The following SLC26A4 variants were observed in gnomAD, a reference collection of about 807,000 sequenced individuals.
SLC26A4 encodes the protein pendrin.
A neutral mutation model predicts 90.4 loss-of-function variants in SLC26A4; 93 were observed. The observed-to-expected ratio is 1.03, with a 90% CI of 0.87 to 1.22. The LOEUF (loss-of-function observed/expected upper bound fraction) is 1.22. Among genes scored for constraint, SLC26A4 ranks in the 50% most tolerant of loss-of-function variants. The pLI is 0.00. For missense variants in SLC26A4, 1,127 were observed against 946.2 expected, an observed-to-expected ratio of 1.19 and a Z score of -2.51; for synonymous variants, 393 against 354.6, an observed-to-expected ratio of 1.11 and a Z score of -1.22.
intron 17 of SLC26A4, among the ~76,000 whole-genome samples, chr7:107,702,684 C>CAAA (rs11462799): frequency 2.3e-4 from 23 of 99,156 alleles, no homozygotes; most frequent in East Asian, 5.2e-4. Context: ...GACTTCATCT[C>CAAA]AAAAAAAAAA....
chr7:107,705,632 TC>T (rs774190028), intron 18 of SLC26A4, among the ~76,000 whole-genome samples: 60 of 119,334 alleles, frequency 5.0e-4, no homozygotes, highest in Non-Finnish European at 8.5e-4. Flanking sequence ...AATCTAGCAT[TC>T]CATGACTGGT....
intron 17 of SLC26A4, among the ~76,000 whole-genome samples, chr7:107,703,381 G>T (rs1005664936): frequency 6.6e-6 from 1 of 152,222 alleles, no homozygotes; most frequent in Non-Finnish European, 1.5e-5. Context: ...GGGAGGAAAT[G>T]ATTCCAGGAT....
At chr7:107,680,246 AATCTTATTATATAATCTT>A (rs1292498839) in intron 6 of SLC26A4, among the ~76,000 whole-genome samples, 1 of 128,770 alleles carries the variant, frequency 7.8e-6, no homozygotes, top group East Asian at 2.2e-4. Context: ...TATATAATAT[AATCTTATTATATAATCTT>A]ATCTTATTAT....
intron 3 of SLC26A4, among the ~76,000 whole-genome samples, chr7:107,671,802 C>T (rs1790874444): frequency 6.6e-6 from 1 of 152,188 alleles, no homozygotes; most frequent in Admixed American, 6.5e-5. Flanking sequence ...GTCAAAAATG[C>T]ACTTAATACA....
At chr7:107,713,634 T>A (rs1792256627) in intron 20 of SLC26A4, among the ~76,000 whole-genome samples, 1 of 152,200 alleles carries the variant, frequency 6.6e-6, no homozygotes, top group Admixed American at 6.5e-5. Context: ...GCATGGAGAT[T>A]ATTCAACCAT....
rs764382402 is a variant in SLC26A4 at position 107,715,482 on chromosome 7, C to T, written c.*36C>T. The T allele has an allele frequency of 5.1e-5, 78 of 1,532,144 alleles. No individual in the cohort carries two copies. In the Admixed American group the frequency reaches 1.3e-3, roughly 25 times the overall value. The allele number at this position is 1,532,144 out of a possible 1,614,324, so 94.9% of individuals were successfully genotyped here. ...GGGAGGTCTCTATGAGCAAGGAATA[C>T]AAGACAAAACTTCCTCAATGCATTG... On this transcript the variant is annotated 3_prime_UTR_variant, in exon 21 of 21. Coordinates refer to ENST00000644269, the MANE Select transcript of SLC26A4 (RefSeq NM_000441.2).
Position 107,690,126 on chromosome 7 carries a change from AT to A in SLC26A4, c.1154del (p.Phe385SerfsTer47). 6.3e-7 allele frequency: 1 copy of A among 1,584,856 alleles called. No homozygotes were observed. ...TTGTCATCCAGTCTCTTCCTTAGGAATTCATTGCCTTTGGGATCAGCAACAT... is the reference window on the plus strand; with the variant it reads ...TTGTCATCCAGTCTCTTCCTTAGGAATCATTGCCTTTGGGATCAGCAACAT... ...YDYTIDGNQE[F>X]IAFGISNIFS... On this transcript the variant is annotated frameshift_variant, in exon 10 of 21. Transcript: ENST00000644269. LOFTEE classifies it high-confidence loss of function.
chr7:107,671,320 G>A (rs1790861200), intron 3 of SLC26A4, among the ~76,000 whole-genome samples: 2 of 152,082 alleles, frequency 1.3e-5, no homozygotes, highest in Admixed American at 1.3e-4. Flanking sequence ...GAACCAATAT[G>A]CTGGGCTCAT....
chr7:107,698,225 G>A (rs1431883249), intron 14 of SLC26A4, 114 bp downstream of exon 14: 7 of 749,672 alleles, frequency 9.3e-6, no homozygotes, highest in Non-Finnish European at 1.7e-5. Context: ...GGGAAAGTCT[G>A]TTAGTCCACA....
In SLC26A4 at chr7:107,661,765, G is replaced by C. The variant is rs1037267548; in HGVS notation, c.124G>C (p.Glu42Gln). ...FQQQHERRLQ[E>Q]RKTLRESLAK... ...GCAACAGCACGAGCGGCGCCTGCAG[G>C]AGCGCAAGACGCTGCGGGAGAGCCT... is the stretch of plus-strand genomic sequence containing the variant. Residue 42 changes from glutamate to glutamine, a missense_variant, in exon 2 of 21, where the codon GAG (glutamate) becomes CAG (glutamine). Physicochemically the swap from Glu to Gln is conservative, Grantham distance 29. Coordinates refer to ENST00000644269, the MANE Select transcript of SLC26A4 (RefSeq NM_000441.2). This position sits in a 1 kb window ranked among gnomAD's most constrained non-coding sequence, Gnocchi z 5.1. 6.5e-7 allele frequency: 1 copy of C among 1,543,258 alleles called. No homozygotes were observed. Among genetic ancestry groups the C allele is most frequent in the African/African-American group, 1.4e-5 (1 of 73,210 alleles).
intron 13 of SLC26A4, among the ~76,000 whole-genome samples, chr7:107,697,400 A>G (rs1329084212): frequency 6.6e-6 from 1 of 152,204 alleles, no homozygotes; most frequent in Non-Finnish European, 1.5e-5. Context: ...CAGAGAGCAC[A>G]ATGCTGAAAG....
chr7:107,686,672 G>T (rs1330463812), intron 8 of SLC26A4, among the ~76,000 whole-genome samples: 1 of 151,940 alleles, frequency 6.6e-6, no homozygotes, highest in East Asian at 1.9e-4. Context: ...TAGAGACGGG[G>T]TTTCACCATG....
At chr7:107,675,241 A>C in intron 6 of SLC26A4, 132 bp downstream of exon 6, 2 of 736,592 alleles carry the variant, frequency 2.7e-6, no homozygotes, top group Non-Finnish European at 2.4e-6. Flanking sequence ...CGAGGTGGGC[A>C]GATTGCTTGA....
intron 12 of SLC26A4, 60 bp downstream of exon 12, chr7:107,694,776 C>T: frequency 9.0e-7 from 1 of 1,113,544 alleles, no homozygotes; most frequent in Non-Finnish European, 1.4e-6. Context: ...ATGCTTCCTG[C>T]CATATCACTA....
chr7:107,717,116 G>C lies in SLC26A4; in HGVS notation c.*1670G>C, dbSNP rs1334141368. 1 of 152,164 alleles carries C rather than the reference G, an allele frequency of 6.6e-6. No individual in the cohort carries two copies. The highest frequency in any genetic ancestry group is 1.5e-5 in the Non-Finnish European group (1 of 68,072). The allele number at this position is 152,164 out of a possible 1,614,324, so 9.4% of individuals were successfully genotyped here. On this transcript the variant is annotated 3_prime_UTR_variant, in exon 21 of 21. Transcript: ENST00000644269. Reference sequence around the variant, plus strand: ...CTCATGCCTGTAATCCCAGCACTTTGGGAGGCCGAGGCGGGTGGATCACGA... The same window carrying C: ...CTCATGCCTGTAATCCCAGCACTTTCGGAGGCCGAGGCGGGTGGATCACGA...
Position 107,698,178 on chromosome 7 carries a change from T to G in SLC26A4, c.1614+67T>G. 2.2e-5 allele frequency: 22 copies of G among 1,008,624 alleles called. No individual in the cohort carries two copies. In the South Asian group the frequency reaches 2.8e-4, roughly 13 times the overall value. 62.5% of individuals were successfully genotyped at this position (1,008,624 alleles called of 1,614,324 possible). On this transcript the variant is annotated intron_variant, in intron 14 of 20. Coordinates refer to ENST00000644269, the MANE Select transcript of SLC26A4 (RefSeq NM_000441.2). ...AGCCTGAAGTTTCAGCAGCTCCATT[T>G]TACGTACAAGGTAGCCAAAGGGAGA...
At position 107,672,216 on chromosome 7, in the gene SLC26A4, T is replaced by C. The variant is rs1243010459; in HGVS notation, c.383T>C (p.Phe128Ser). The change falls in exon 4 of 21, where the codon TTT (phenylalanine) becomes TCT (serine). Residue 128 changes from phenylalanine to serine, a missense_variant. By Grantham distance (155) the Phe-to-Ser change is radical. Coordinates refer to ENST00000644269, the MANE Select transcript of SLC26A4 (RefSeq NM_000441.2). ...GCTTTTTTCCCTATCCTGACATACT[T>C]TATCTTTGGAACATCAAGACATATC... The part of the protein sequence containing the change: ...YSAFFPILTY[F>S]IFGTSRHISV... 24 of 1,608,410 alleles carry C rather than the reference T, an allele frequency of 1.5e-5. No homozygotes were observed. The highest frequency in any genetic ancestry group is 2.0e-5 in the Non-Finnish European group (24 of 1,174,896).
intron 8 of SLC26A4, among the ~76,000 whole-genome samples, chr7:107,686,389 C>T (rs1336892960): frequency 6.4e-5 from 9 of 141,296 alleles, no homozygotes; most frequent in Non-Finnish European, 1.2e-4. Flanking sequence ...TTCCTTCCTT[C>T]CTTCCTCTCT....
chr7:107,692,000 A>T, intron 10 of SLC26A4: 2 of 1,289,150 alleles, frequency 1.6e-6, no homozygotes, highest in South Asian at 2.5e-5. Context: ...CAGCGGGTGC[A>T]GGCAAATCTC....
Sources: gnomAD v4.1 joint callset for allele counts (sites outside exome capture counted in the v4.1 genomes callset) on GRCh38, gnomAD v4.1.1 for gene constraint, Gnocchi (gnomAD v3.1) non-coding constraint, MANE v1.5 for transcripts, NCBI Gene and HGNC (gene_info 2026-07-23, HGNC 2026-07-21) for gene names.